The following TENM3 variants were observed in gnomAD, a reference collection of about 807,000 sequenced individuals.
The protein encoded by TENM3 is teneurin-3.
Under a neutral mutation model 255.1 loss-of-function variants are expected in TENM3, and 63 were observed. That is an observed-to-expected ratio of 0.25 (90% CI 0.20 to 0.30). TENM3 has a LOEUF of 0.30. Ranked by LOEUF, TENM3 falls within the 10% of genes least tolerant of loss-of-function variation. The pLI, the probability that TENM3 is intolerant of heterozygous loss-of-function variation, is 1.00. For missense variants in TENM3, 2,929 were observed against 3,461.1 expected, an observed-to-expected ratio of 0.85 and a Z score of 3.86; for synonymous variants, 1,306 against 1,322.3, an observed-to-expected ratio of 0.99 and a Z score of 0.27.
the TENM3 span, among the ~76,000 whole-genome samples, chr4:181,590,651 A>G: frequency 6.6e-6 from 1 of 152,356 alleles, no homozygotes; most frequent in Non-Finnish European, 1.5e-5. Flanking sequence ...GACACAGAAA[A>G]CAATAGAGGA....
chr4:182,456,614 G>A (rs1460522968), intron 3 of TENM3, among the ~76,000 whole-genome samples: 1 of 152,144 alleles, frequency 6.6e-6, no homozygotes, highest in Non-Finnish European at 1.5e-5. Context: ...AGATACTCAT[G>A]ATTATAATTT....
chr4:181,976,182 CA>C, the TENM3 span: 1 of 152,500 alleles, frequency 6.6e-6, no homozygotes, highest in African/African-American at 2.4e-5. Context: ...CACAGTGGCA[CA>C]ATCTTGGCTC....
chr4:182,734,548 C>G (rs987756566), intron 16 of TENM3, among the ~76,000 whole-genome samples: 3 of 152,132 alleles, frequency 2.0e-5, no homozygotes, highest in African/African-American at 7.2e-5. Flanking sequence ...TGGAGAGGGC[C>G]TCGCAATCAC....
the TENM3 span, among the ~76,000 whole-genome samples, chr4:181,755,916 A>G: frequency 7.2e-5 from 11 of 152,052 alleles, no homozygotes; most frequent in Non-Finnish European, 1.3e-4. Flanking sequence ...TCTTATTTTA[A>G]CAAGCAAAAA....
intron 3 of TENM3, among the ~76,000 whole-genome samples, chr4:182,579,090 C>T (rs1745230806): frequency 6.6e-6 from 1 of 152,194 alleles, no homozygotes; most frequent in Admixed American, 6.5e-5. Context: ...GCCAATACAC[C>T]TGCCTTCTTC....
the TENM3 span, among the ~76,000 whole-genome samples, chr4:181,627,922 A>G: frequency 6.6e-6 from 1 of 152,210 alleles, no homozygotes; most frequent in African/African-American, 2.4e-5. Flanking sequence ...ACTGTCTTCC[A>G]CAATGGTTGA....
chr4:181,909,683 CT>C, the TENM3 span, among the ~76,000 whole-genome samples: 1 of 152,192 alleles, frequency 6.6e-6, no homozygotes, highest in South Asian at 2.1e-4. Flanking sequence ...TGAACAAGAG[CT>C]GCCTTCCAAT....
rs761249047 is a variant in TENM3, at chr4:182,673,023, C to T, written c.1130C>T (p.Thr377Met). The stretch of plus-strand genomic sequence containing the variant: ...CATTCAGGAAAATTAGGTGGATTTA[C>T]GCAAGAAAATAACACCATAGATTCC... ...SGDNGKLGGF[T>M]QENNTIDSGE... The change falls in exon 7 of 28, where the codon ACG (threonine) becomes ATG (methionine). Residue 377 changes from threonine to methionine, a missense_variant. By Grantham distance (81) the Thr-to-Met change is moderately conservative. This residue lies in a region of TENM3 where 1,608 missense variants were observed against 1,884.4 expected (regional missense o/e 0.85). Coordinates refer to ENST00000511685, the MANE Select transcript of TENM3 (RefSeq NM_001080477.4). The T allele has an allele frequency of 1.1e-5, 18 of 1,587,856 alleles. No homozygotes were observed. Among genetic ancestry groups the T allele is most frequent in the African/African-American group, 4.0e-5 (3 of 74,550 alleles).
At chr4:181,891,902 A>ATTGTTT in the TENM3 span, among the ~76,000 whole-genome samples, 1 of 152,078 alleles carries the variant, frequency 6.6e-6, no homozygotes, top group Non-Finnish European at 1.5e-5. Flanking sequence ...TTTAGCCATT[A>ATTGTTT]AGCCATGAGG....
intron 12 of TENM3, among the ~76,000 whole-genome samples, chr4:182,699,349 T>C (rs986284968): frequency 6.6e-6 from 1 of 152,264 alleles, no homozygotes; most frequent in Non-Finnish European, 1.5e-5. Flanking sequence ...CATTGAAATA[T>C]GCCTGATTCC....
chr4:181,895,871 C>G, the TENM3 span, among the ~76,000 whole-genome samples: 1 of 152,026 alleles, frequency 6.6e-6, no homozygotes, highest in African/African-American at 2.4e-5. Flanking sequence ...ATAAACCTTT[C>G]CCCTCCACCA....
the TENM3 span, among the ~76,000 whole-genome samples, chr4:181,605,585 G>GAAAGA: frequency 3.6e-4 from 2 of 5,618 alleles, 1 homozygote; most frequent in African/African-American, 1.2e-3. Flanking sequence ...AGAAAGAAAG[G>GAAAGA]AAAGAAAGAA....
intron 1 of TENM3, among the ~76,000 whole-genome samples, chr4:182,204,264 C>CT (rs150986104): frequency 0.011 from 1,600 of 152,302 alleles, 26 homozygotes; most frequent in African/African-American, 0.035. Context: ...ATAATGCTGA[C>CT]TGAAGCGGTG....
chr4:182,520,211 TA>T (rs921864079), intron 3 of TENM3, among the ~76,000 whole-genome samples: 6 of 151,882 alleles, frequency 4.0e-5, no homozygotes, highest in African/African-American at 1.2e-4. Flanking sequence ...AAGGAATCTT[TA>T]AAAAAAAATT....
At chr4:181,483,516 G>C in the TENM3 span, among the ~76,000 whole-genome samples, 8 of 152,038 alleles carry the variant, frequency 5.3e-5, no homozygotes, top group Non-Finnish European at 1.2e-4. Context: ...CCAAAGAATT[G>C]AAAACAAAAG....
the TENM3 span, among the ~76,000 whole-genome samples, chr4:181,714,355 T>A: frequency 6.6e-6 from 1 of 152,080 alleles, no homozygotes; most frequent in African/African-American, 2.4e-5. Flanking sequence ...GGTGAGAGGA[T>A]CACTTGAAGC....
At chr4:181,887,672 G>A in the TENM3 span, among the ~76,000 whole-genome samples, 1 of 152,172 alleles carries the variant, frequency 6.6e-6, no homozygotes, top group Non-Finnish European at 1.5e-5. Flanking sequence ...TGAGAACAGT[G>A]TCTCTCTTCT....
chr4:182,449,039 T>G (rs1259635113), intron 3 of TENM3: 1 of 381,552 alleles, frequency 2.6e-6, no homozygotes, highest in Non-Finnish European at 5.3e-6. Flanking sequence ...TTGGCAGCGC[T>G]GGGCTCGGTT....
In TENM3 at chr4:182,793,645, T is replaced by G; in HGVS notation, c.6973T>G (p.Tyr2325Asp). ...TCAGTACACTGCATATGGGGAAATCTATTTTGACTCTAATATTGACTTTCA... is the reference window on the plus strand; with the variant it reads ...TCAGTACACTGCATATGGGGAAATCGATTTTGACTCTAATATTGACTTTCA... The part of the protein sequence containing the change: ...QIQYTAYGEI[Y>D]FDSNIDFQLV... Residue 2325 changes from tyrosine to aspartate, a missense_variant, in exon 26 of 28, where the codon TAT becomes GAT. By Grantham distance (160) the Tyr-to-Asp change is radical. Transcript: ENST00000511685. The surrounding 1 kb of genome is among the most constrained non-coding windows in gnomAD (Gnocchi z 5.7). The G allele has an allele frequency of 1.9e-6, 3 of 1,614,042 alleles. No individual in the cohort carries two copies. The highest frequency in any genetic ancestry group is 2.5e-6 in the Non-Finnish European group (3 of 1,179,886).
Sources: allele counts gnomAD v4.1 joint callset (sites outside exome capture counted in the v4.1 genomes callset), GRCh38; gene constraint gnomAD v4.1.1; regional missense constraint gnomAD v4.1.1; non-coding constraint Gnocchi (gnomAD v3.1); transcripts MANE v1.5; gene names NCBI Gene and HGNC (gene_info 2026-07-23, HGNC 2026-07-21).